The following SERPINB10 variants were observed in gnomAD, a reference collection of about 807,000 sequenced individuals.
SERPINB10 encodes the protein serpin family B member 10, also known as serpin B10.
SERPINB10 carries 35 observed loss-of-function variants against 39.1 expected under a neutral mutation model. The ratio of observed to expected loss-of-function variants is 0.90; its 90% CI spans 0.68 to 1.19. The LOEUF (loss-of-function observed/expected upper bound fraction) is 1.19, where lower values mean the gene tolerates loss of function less well. Ranked by LOEUF, SERPINB10 falls within the 50% of genes most tolerant of loss-of-function variation. The pLI is 0.00. For synonymous variants in SERPINB10, 190 were observed against 158.1 expected (o/e 1.20, Z -1.52); for missense variants, 546 against 460.5 (o/e 1.19, Z -1.70).
intron 1 of SERPINB10, among the ~76,000 whole-genome samples, chr18:63,913,899 G>A (rs1379648145): frequency 6.6e-6 from 1 of 152,036 alleles, no homozygotes; most frequent in African/African-American, 2.4e-5. Flanking sequence ...AAGTCTTTTT[G>A]TAGGTTGAAG....
intron 1 of SERPINB10, among the ~76,000 whole-genome samples, chr18:63,914,798 C>A (rs1366880220): frequency 6.6e-6 from 1 of 151,844 alleles, no homozygotes; most frequent in Non-Finnish European, 1.5e-5. Flanking sequence ...GGTAGGCTGG[C>A]CAGCTGTTTG....
chr18:63,923,835 C>T (rs1045221238), intron 5 of SERPINB10, among the ~76,000 whole-genome samples: 1 of 151,750 alleles, frequency 6.6e-6, no homozygotes, highest in Admixed American at 6.6e-5. Flanking sequence ...TTGCTTTGCC[C>T]TTCTGTTATC....
chr18:63,917,461 T>C lies in SERPINB10; in HGVS notation c.174T>C (p.Leu58=). The change falls in exon 3 of 8, where the codon CTT becomes CTC. Residue 58 remains leucine, a synonymous_variant. Transcript: ENST00000238508. ...GTTAAQMAQV[L]QFNRDQGVKC... Reference sequence around the variant, plus strand: ...TATTTTTATTGAAATTACAGGTGCTTCAATTTAACAGAGACCAGGGAGTCA... The same window carrying C: ...TATTTTTATTGAAATTACAGGTGCTCCAATTTAACAGAGACCAGGGAGTCA... 1.3e-6 allele frequency: 2 copies of C among 1,572,596 alleles called. No homozygotes were observed. The highest frequency in any genetic ancestry group is 1.7e-6 in the Non-Finnish European group (2 of 1,157,668).
intron 5 of SERPINB10, among the ~76,000 whole-genome samples, chr18:63,927,170 C>G (rs1030552194): frequency 6.6e-6 from 1 of 151,820 alleles, no homozygotes; most frequent in Non-Finnish European, 1.5e-5. Flanking sequence ...ATAAATACCA[C>G]TAATGTTTCT....
rs570867205 is a variant in SERPINB10 at position 63,934,930 on chromosome 18, C to T, written c.882C>T (p.Phe294=). 1.7e-4 allele frequency: 277 copies of T among 1,614,198 alleles called. 1 individual carries two copies. In the South Asian group the frequency reaches 2.9e-3, roughly 17 times the overall value. The stretch of plus-strand genomic sequence containing the variant: ...AAGTGCAGCTACACCTTCCCAAGTT[C>T]AAGCTGGAAGACAGTTATGATCTCA... The part of the protein sequence containing the change: ...LYEVQLHLPK[F]KLEDSYDLKS... Residue 294 remains phenylalanine, a synonymous_variant, in exon 8 of 8, where the codon TTC becomes TTT. Coordinates refer to ENST00000238508, the MANE Select transcript of SERPINB10 (RefSeq NM_005024.3).
In SERPINB10 at chr18:63,917,612, A is replaced by G. The variant is rs929730808; in HGVS notation, c.234+91A>G. ...AGTGATAACTGAAGCAACTTTTAGCAGGTAATTTTTCTTAGAAACATATAT... is the reference window on the plus strand; with the variant it reads ...AGTGATAACTGAAGCAACTTTTAGCGGGTAATTTTTCTTAGAAACATATAT... On this transcript the variant is annotated intron_variant, in intron 3 of 7. Coordinates refer to ENST00000238508, the MANE Select transcript of SERPINB10 (RefSeq NM_005024.3). The G allele has an allele frequency of 4.6e-5, 33 of 712,852 alleles. No homozygotes were observed. In the African/African-American group the frequency reaches 5.8e-4, roughly 12 times the overall value. 44.2% of individuals were successfully genotyped at this position (712,852 alleles called of 1,614,324 possible).
chr18:63,918,093 A>G lies in SERPINB10; in HGVS notation c.363A>G (p.Ala121=). 1 of 1,612,162 alleles carries G rather than the reference A, an allele frequency of 6.2e-7. No individual in the cohort carries two copies. Among genetic ancestry groups the G allele is most frequent in the Admixed American group, 1.7e-5 (1 of 59,798 alleles). ...ANAIYGEKTY[A]FHNKYLEDMK... is the part of the protein sequence containing the mutation. ...CGATATATGGAGAGAAAACGTATGCATTTCACAATGTAAGTGCAAATGTCT... is the reference window on the plus strand; with the variant it reads ...CGATATATGGAGAGAAAACGTATGCGTTTCACAATGTAAGTGCAAATGTCT... The change falls in exon 4 of 8, where the codon GCA becomes GCG. Residue 121 remains alanine (A), a synonymous_variant. Coordinates refer to ENST00000238508, the MANE Select transcript of SERPINB10 (RefSeq NM_005024.3).
chr18:63,915,930 T>A (rs1055699465), intron 2 of SERPINB10, among the ~76,000 whole-genome samples: 1 of 152,054 alleles, frequency 6.6e-6, no homozygotes, highest in Admixed American at 6.6e-5. Context: ...AAGGATAAGG[T>A]TATCAATTTT....
chr18:63,913,466 G>A (rs2050079491), intron 1 of SERPINB10, among the ~76,000 whole-genome samples: 1 of 151,908 alleles, frequency 6.6e-6, no homozygotes. Flanking sequence ...AGAGACTTTG[G>A]TATGTTATGT....
At position 63,913,423 on chromosome 18, in the gene SERPINB10, C is replaced by CT. The variant is rs1158967850; in HGVS notation, c.-9-2076dup. Reference sequence around the variant, plus strand: ...TAAGGTAGGCATTTAGTGCTATAAACTTTCCTCCTAACACTGCTTTTCGCT... The same window carrying CT: ...TAAGGTAGGCATTTAGTGCTATAAACTTTTCCTCCTAACACTGCTTTTCGCT... On this transcript the variant is annotated intron_variant, in intron 1 of 7. Coordinates refer to ENST00000238508, the MANE Select transcript of SERPINB10 (RefSeq NM_005024.3). Among the ~76,000 whole-genome samples the CT allele has an allele frequency of 3.3e-5, 5 of 152,112 alleles. No homozygotes were observed. The South Asian group carries it at 8.3e-4, about 25-fold the overall frequency.
At chr18:63,908,857 C>T (rs1167280215) in intron 1 of SERPINB10, among the ~76,000 whole-genome samples, 9 of 152,062 alleles carry the variant, frequency 5.9e-5, no homozygotes, top group Non-Finnish European at 1.3e-4. Flanking sequence ...CTTCTTTCTC[C>T]TCCTGATGGT....
At chr18:63,916,257 T>C (rs1435488324) in intron 2 of SERPINB10, among the ~76,000 whole-genome samples, 1 of 150,956 alleles carries the variant, frequency 6.6e-6, no homozygotes, top group African/African-American at 2.4e-5. Flanking sequence ...TATGTAGTCA[T>C]AGATAGCAAA....
chr18:63,911,533 A>G (rs187652286), intron 1 of SERPINB10, among the ~76,000 whole-genome samples: 162 of 152,088 alleles, frequency 1.1e-3, no homozygotes, highest in African/African-American at 3.5e-3. Context: ...TATTGAATAG[A>G]GTCCTTTCCC....
chr18:63,919,362 G>A (rs924443729), intron 4 of SERPINB10, among the ~76,000 whole-genome samples: 1 of 151,524 alleles, frequency 6.6e-6, no homozygotes, highest in Non-Finnish European at 1.5e-5. Context: ...AGAATCCACA[G>A]AAGGAAGCTA....
intron 2 of SERPINB10, among the ~76,000 whole-genome samples, chr18:63,916,656 A>T (rs1389530395): frequency 2.0e-5 from 3 of 152,138 alleles, no homozygotes; most frequent in Non-Finnish European, 4.4e-5. Flanking sequence ...AATGTGATAG[A>T]CAATCTTAAG....
intron 6 of SERPINB10, 148 bp from the exon 7 acceptor site, chr18:63,932,900 G>C: frequency 1.2e-5 from 8 of 682,500 alleles, no homozygotes; most frequent in Non-Finnish European, 1.5e-5. Flanking sequence ...TTTCCATAAA[G>C]GAAGGTCTGG....
At chr18:63,926,346 C>T (rs1599087811) in intron 5 of SERPINB10, among the ~76,000 whole-genome samples, 2 of 151,932 alleles carry the variant, frequency 1.3e-5, no homozygotes, top group South Asian at 4.1e-4. Context: ...CCAAATTCCC[C>T]CCTCCTTACA....
At chr18:63,927,273 A>T (rs1009492457) in intron 5 of SERPINB10, among the ~76,000 whole-genome samples, 1 of 152,082 alleles carries the variant, frequency 6.6e-6, no homozygotes, top group African/African-American at 2.4e-5. Flanking sequence ...CATCATTTTA[A>T]AATTAGAAAT....
chr18:63,935,959 G>T lies in SERPINB10; in HGVS notation c.*717G>T, dbSNP rs1229822693. 1 of 152,244 alleles carries T rather than the reference G, an allele frequency of 6.6e-6. No individual in the cohort carries two copies. Among genetic ancestry groups the T allele is most frequent in the Non-Finnish European group, 1.5e-5 (1 of 68,044 alleles). The allele number at this position is 152,244 out of a possible 1,614,324, so 9.4% of individuals were successfully genotyped here. A position where few individuals can be genotyped will look rare whatever the true frequency, so the allele number is the denominator to read the frequency against. On this transcript the variant is annotated 3_prime_UTR_variant, in exon 8 of 8. Coordinates refer to ENST00000238508, the MANE Select transcript of SERPINB10 (RefSeq NM_005024.3). ...GTTTAGCTAGTAGCAATCTCTCAAT[G>T]TTGGTGCCCTAGTTTTGACAAATGT...
Sources: gnomAD v4.1 joint callset for allele counts (sites outside exome capture counted in the v4.1 genomes callset) on GRCh38, gnomAD v4.1.1 for gene constraint, MANE v1.5 for transcripts, NCBI Gene and HGNC (gene_info 2026-07-23, HGNC 2026-07-21) for gene names.